Variants in WDPCP observed in about 807,000 individuals in gnomAD.
WDPCP encodes WD repeat-containing and planar cell polarity effector protein fritz homolog.
WDPCP carries 71 observed loss-of-function variants against 93.1 expected under a neutral mutation model. The observed-to-expected ratio is 0.76, with a 90% CI of 0.63 to 0.93. WDPCP has a LOEUF of 0.93. WDPCP is among the 40% of genes least tolerant of loss of function. The pLI, the probability that WDPCP is intolerant of heterozygous loss-of-function variation, is 0.00. For synonymous variants in WDPCP, 315 were observed against 315.0 expected, an observed-to-expected ratio of 1.00 and a Z score of 0.00; for missense variants, 844 against 887.4, an observed-to-expected ratio of 0.95 and a Z score of 0.62.
At chr2:63,738,824 AC>A (rs1207421441) in intron 2 of WDPCP, among the ~76,000 whole-genome samples, 1 of 152,128 alleles carries the variant, frequency 6.6e-6, no homozygotes, top group African/African-American at 2.4e-5. Context: ...TCATGTAACT[AC>A]CACCTAGAGC....
At chr2:63,392,551 T>C (rs1277693226) in intron 10 of WDPCP, among the ~76,000 whole-genome samples, 1 of 152,086 alleles carries the variant, frequency 6.6e-6, no homozygotes, top group African/African-American at 2.4e-5. Context: ...CTAATTAAAC[T>C]AAAGAGCTTC....
chr2:63,803,566 C>T (rs992419444), intron 2 of WDPCP, among the ~76,000 whole-genome samples: 5 of 152,032 alleles, frequency 3.3e-5, no homozygotes, highest in Non-Finnish European at 7.4e-5. Context: ...CTTTATTTTT[C>T]TGGCTTTTTG....
In WDPCP at chr2:63,358,473, T is replaced by C. The variant is rs114452405; in HGVS notation, c.1748+19913A>G. On this transcript the variant is annotated intron_variant, in intron 12 of 17. Coordinates refer to ENST00000272321, the MANE Select transcript of WDPCP (RefSeq NM_015910.7). ...GATAAGTAGCTTGTCAAAGATCTCTTACTCTTTGGTAGAGACAGGGTCTTG... is the reference window on the plus strand; with the variant it reads ...GATAAGTAGCTTGTCAAAGATCTCTCACTCTTTGGTAGAGACAGGGTCTTG... Among the ~76,000 whole-genome samples the C allele has an allele frequency of 5.8e-3, 885 of 152,282 alleles. 10 individuals are homozygous for C. Among genetic ancestry groups the C allele is most frequent in the African/African-American group, 0.02 (836 of 41,566 alleles).
intron 12 of WDPCP, among the ~76,000 whole-genome samples, chr2:63,367,111 TAAAG>T (rs1351593494): frequency 2.0e-5 from 3 of 151,494 alleles, no homozygotes; most frequent in African/African-American, 7.2e-5. Context: ...AAAAAAAAAT[TAAAG>T]CAGGTGGTAA....
chr2:63,806,730 T>C (rs776011081), intron 2 of WDPCP, among the ~76,000 whole-genome samples: 11 of 152,128 alleles, frequency 7.2e-5, no homozygotes, highest in Admixed American at 1.3e-4. Flanking sequence ...TGTTCCATGC[T>C]GAGAAAAAGA....
intron 2 of WDPCP, among the ~76,000 whole-genome samples, chr2:63,759,078 G>A (rs1391085579): frequency 1.3e-5 from 2 of 151,240 alleles, no homozygotes; most frequent in African/African-American, 4.9e-5. Context: ...ACCATGCACG[G>A]CCAAAAAAAA....
chr2:63,573,262 G>A (rs1707666872), intron 1 of WDPCP, among the ~76,000 whole-genome samples: 1 of 151,550 alleles, frequency 6.6e-6, no homozygotes, highest in Admixed American at 6.6e-5. Context: ...AAAAAAAAAG[G>A]ATTCGTTGCT....
intron 2 of WDPCP, among the ~76,000 whole-genome samples, chr2:63,780,865 T>C (rs1037186752): frequency 5.9e-5 from 9 of 152,140 alleles, no homozygotes; most frequent in Non-Finnish European, 1.3e-4. Flanking sequence ...ATGAAGCCCT[T>C]TTAGACTCTT....
chr2:63,619,745 G>A (rs1043817524), intron 3 of WDPCP, among the ~76,000 whole-genome samples: 1 of 152,344 alleles, frequency 6.6e-6, no homozygotes, highest in Admixed American at 6.5e-5. Context: ...TGGCCAAATA[G>A]GAACAGCTCT....
At chr2:63,709,935 C>T (rs979635951) in intron 2 of WDPCP, among the ~76,000 whole-genome samples, 3 of 152,128 alleles carry the variant, frequency 2.0e-5, no homozygotes, top group African/African-American at 7.2e-5. Context: ...CTTTTAAAAT[C>T]AAGGGGTAAA....
chr2:63,425,968 G>T (rs1407041091), intron 9 of WDPCP, among the ~76,000 whole-genome samples: 1 of 152,098 alleles, frequency 6.6e-6, no homozygotes, highest in African/African-American at 2.4e-5. Flanking sequence ...TCTTAATGGG[G>T]CCTAGACAGA....
chr2:63,742,729 T>A (rs1281931511), intron 2 of WDPCP, among the ~76,000 whole-genome samples: 4 of 149,680 alleles, frequency 2.7e-5, no homozygotes, highest in African/African-American at 4.9e-5. Flanking sequence ...GTTTATTGTA[T>A]GTTCCACACA....
intron 12 of WDPCP, among the ~76,000 whole-genome samples, chr2:63,345,557 G>C (rs1689133482): frequency 6.6e-6 from 1 of 152,176 alleles, no homozygotes; most frequent in South Asian, 2.1e-4. Flanking sequence ...CTCTCTGGTA[G>C]CTCACAGAGG....
At chr2:63,745,326 A>C (rs1397975617) in intron 2 of WDPCP, among the ~76,000 whole-genome samples, 1 of 152,196 alleles carries the variant, frequency 6.6e-6, no homozygotes, top group Non-Finnish European at 1.5e-5. Context: ...ATGTTTTAAT[A>C]TCTCATTTCA....
chr2:63,163,892 A>G (rs1672794205), intron 15 of WDPCP, among the ~76,000 whole-genome samples: 1 of 152,210 alleles, frequency 6.6e-6, no homozygotes, highest in South Asian at 2.1e-4. Context: ...CTTAAAGGAA[A>G]ACTGCTTAGA....
intron 2 of WDPCP, chr2:63,717,254 A>C (rs1214920224): frequency 3.7e-6 from 2 of 541,848 alleles, no homozygotes; most frequent in African/African-American, 3.8e-5. Flanking sequence ...ATGCGTAAGA[A>C]GCAGGCCAGA....
At chr2:63,582,483 GCA>G (rs1413583707) in intron 1 of WDPCP, among the ~76,000 whole-genome samples, 1 of 152,006 alleles carries the variant, frequency 6.6e-6, no homozygotes, top group East Asian at 1.9e-4. Context: ...GAATCGAAGA[GCA>G]CACAGAAAAA....
chr2:63,699,262 T>G (rs1340988440), intron 2 of WDPCP, among the ~76,000 whole-genome samples: 2 of 152,234 alleles, frequency 1.3e-5, no homozygotes, highest in Non-Finnish European at 2.9e-5. Context: ...CAAAGCAGGA[T>G]TCTCACTGAG....
intron 2 of WDPCP, among the ~76,000 whole-genome samples, chr2:63,720,827 A>G (rs1375574046): frequency 1.3e-5 from 2 of 152,238 alleles, no homozygotes; most frequent in Admixed American, 1.3e-4. Context: ...ACAAGGAACT[A>G]AATATTAACA....
Sources: allele counts gnomAD v4.1 joint callset (sites outside exome capture counted in the v4.1 genomes callset), GRCh38; gene constraint gnomAD v4.1.1; transcripts MANE v1.5; gene names NCBI Gene and HGNC (gene_info 2026-07-23, HGNC 2026-07-21).